The following KIFC3 variants were observed in gnomAD, a reference collection of about 807,000 sequenced individuals.
KIFC3 encodes the protein kinesin family member C3, also known as kinesin-like protein KIFC3.
KIFC3 carries 60 observed loss-of-function variants against 101.8 expected under a neutral mutation model. The observed-to-expected ratio is 0.59, with a 90% CI of 0.48 to 0.73. The LOEUF (loss-of-function observed/expected upper bound fraction) is 0.73. Among genes scored for constraint, KIFC3 ranks in the 30% least tolerant of loss-of-function variants. KIFC3 has a pLI of 0.00. For missense variants in KIFC3, 966 were observed against 1,137.1 expected, an observed-to-expected ratio of 0.85 and a Z score of 2.16; for synonymous variants, 476 against 482.7, an observed-to-expected ratio of 0.99 and a Z score of 0.18.
chr16:57,792,894 G>T (rs952593464), intron 3 of KIFC3, among the ~76,000 whole-genome samples: 4 of 146,130 alleles, frequency 2.7e-5, no homozygotes, highest in Non-Finnish European at 6.0e-5. Flanking sequence ...AAAAAAAAAG[G>T]GTAGTTCTCT....
At chr16:57,844,772 G>A (rs1037224282) in intron 1 of KIFC3, among the ~76,000 whole-genome samples, 2 of 152,142 alleles carry the variant, frequency 1.3e-5, no homozygotes, top group African/African-American at 2.4e-5. Context: ...AGTCTTCTAT[G>A]CTGGAGCCCA....
chr16:57,846,215 G>T (rs1211621882), intron 1 of KIFC3: 2 of 152,406 alleles, frequency 1.3e-5, no homozygotes, highest in African/African-American at 4.8e-5. Context: ...CTCTCCCTGG[G>T]TGGGGCTGGG....
chr16:57,821,160 C>T (rs1304180328), intron 1 of KIFC3, among the ~76,000 whole-genome samples: 2 of 150,118 alleles, frequency 1.3e-5, no homozygotes, highest in Admixed American at 1.3e-4. Flanking sequence ...ACTATGGAGT[C>T]ACAGATAAAT....
Position 57,802,463 on chromosome 16 carries a change from T to G in KIFC3, c.-133A>C, listed in dbSNP as rs1209913602. On this transcript the variant is annotated 5_prime_UTR_variant, in exon 1 of 20. Transcript: ENST00000445690. This position sits in a 1 kb window ranked among gnomAD's most constrained non-coding sequence, Gnocchi z 5.0. Reference sequence around the variant, plus strand: ...CAGGAGGCAGCTCCACGCCGCCGCCTCCTCCTCGGCCAGCCCGCTCGCGCC... The same window carrying G: ...CAGGAGGCAGCTCCACGCCGCCGCCGCCTCCTCGGCCAGCCCGCTCGCGCC... 20 of 982,348 alleles carry G rather than the reference T, an allele frequency of 2.0e-5. No individual in the cohort carries two copies. The Admixed American group carries it at 2.5e-4, about 12-fold the overall frequency. 60.9% of individuals were successfully genotyped at this position (982,348 alleles called of 1,614,324 possible). A position where few individuals can be genotyped will look rare whatever the true frequency, so the allele number is the denominator to read the frequency against.
chr16:57,856,534 A>T (rs1414796421), intron 1 of KIFC3, among the ~76,000 whole-genome samples: 2 of 151,908 alleles, frequency 1.3e-5, no homozygotes, highest in African/African-American at 4.8e-5. Flanking sequence ...AAAAGAAAGA[A>T]AAAGAAAGAA....
At chr16:57,845,575 T>C (rs771149976) in intron 1 of KIFC3, among the ~76,000 whole-genome samples, 1 of 152,242 alleles carries the variant, frequency 6.6e-6, no homozygotes, top group African/African-American at 2.4e-5. Context: ...ACCTCGGACA[T>C]TCTTTCCCCA....
chr16:57,791,642 C>T (rs1209622034), intron 3 of KIFC3, among the ~76,000 whole-genome samples: 1 of 152,122 alleles, frequency 6.6e-6, no homozygotes, highest in African/African-American at 2.4e-5. Context: ...CTGGTGCCAG[C>T]GTCCCAGAGA....
In KIFC3 at chr16:57,771,704, C is replaced by A. The variant is rs782486254; in HGVS notation, c.382-18G>T. 5.4e-5 allele frequency: 86 copies of A among 1,604,952 alleles called. No individual in the cohort carries two copies. Among genetic ancestry groups the A allele is most frequent in the Middle Eastern group, 5.0e-4 (3 of 6,060 alleles). On this transcript the variant is annotated intron_variant, in intron 4 of 19. Transcript: ENST00000445690. The stretch of plus-strand genomic sequence containing the variant: ...GTGCCCCCCTGCAGAGAGCCAGGGC[C>A]GAGGGGGCGCATGTGGCGAGGGCAG...
chr16:57,787,075 G>A (rs972402877), intron 3 of KIFC3, among the ~76,000 whole-genome samples: 9 of 152,228 alleles, frequency 5.9e-5, no homozygotes, highest in Non-Finnish European at 8.8e-5. Flanking sequence ...AAGCTCCTGC[G>A]ATCTGTTCTA....
intron 1 of KIFC3, among the ~76,000 whole-genome samples, chr16:57,824,978 ACCTG>A (rs1324093756): frequency 3.9e-5 from 6 of 152,082 alleles, no homozygotes; most frequent in Non-Finnish European, 8.8e-5. Context: ...CAAATAGTTA[ACCTG>A]CCTCCCAAGC....
chr16:57,782,243 A>G, intron 3 of KIFC3: 1 of 699,842 alleles, frequency 1.4e-6, no homozygotes, highest in African/African-American at 1.9e-5. Context: ...GCCCCAGTTT[A>G]GAGACTGGGA....
chr16:57,794,556 T>C (rs1355666402), intron 3 of KIFC3, among the ~76,000 whole-genome samples: 1 of 152,150 alleles, frequency 6.6e-6, no homozygotes, highest in Non-Finnish European at 1.5e-5. Flanking sequence ...CACTTGGTGA[T>C]AACTGCAAGG....
chr16:57,793,705 T>C (rs2054072556), intron 3 of KIFC3, among the ~76,000 whole-genome samples: 1 of 151,602 alleles, frequency 6.6e-6, no homozygotes, highest in Non-Finnish European at 1.5e-5. Flanking sequence ...GATGCACACC[T>C]GTAATCCCAG....
chr16:57,835,511 A>T (rs981103984), intron 1 of KIFC3, among the ~76,000 whole-genome samples: 3 of 152,162 alleles, frequency 2.0e-5, no homozygotes, highest in Middle Eastern at 3.2e-3. Context: ...ACATATTAGC[A>T]TTTTCTATGG....
intron 1 of KIFC3, among the ~76,000 whole-genome samples, chr16:57,840,634 G>A (rs1567334681): frequency 1.3e-5 from 2 of 150,878 alleles, no homozygotes; most frequent in Non-Finnish European, 3.0e-5. Flanking sequence ...GTGGCGCATG[G>A]CTGTAATCCC....
At chr16:57,813,044 C>T (rs1010611068) in intron 1 of KIFC3, among the ~76,000 whole-genome samples, 4 of 152,254 alleles carry the variant, frequency 2.6e-5, no homozygotes, top group African/African-American at 9.6e-5. Flanking sequence ...AAAGGAGAAC[C>T]TGGCCAGGCA....
chr16:57,857,276 TTCC>T (rs2056189615), intron 1 of KIFC3, among the ~76,000 whole-genome samples: 1 of 152,150 alleles, frequency 6.6e-6, no homozygotes, highest in Non-Finnish European at 1.5e-5. Flanking sequence ...TGGCTTCTTC[TTCC>T]TTAGCACAGC....
At chr16:57,842,632 C>T (rs1014962122) in intron 1 of KIFC3, among the ~76,000 whole-genome samples, 1 of 152,166 alleles carries the variant, frequency 6.6e-6, no homozygotes, top group South Asian at 2.1e-4. Context: ...AAGCCTCTGT[C>T]GTTTGCTTTC....
At chr16:57,837,774 A>C (rs1158463826) in intron 1 of KIFC3, among the ~76,000 whole-genome samples, 1 of 152,128 alleles carries the variant, frequency 6.6e-6, no homozygotes, top group Non-Finnish European at 1.5e-5. Context: ...GGCCTTGGGA[A>C]TCGGGACTTT....
Sources: gnomAD v4.1 joint callset for allele counts (sites outside exome capture counted in the v4.1 genomes callset) on GRCh38, gnomAD v4.1.1 for gene constraint, Gnocchi (gnomAD v3.1) non-coding constraint, MANE v1.5 for transcripts, NCBI Gene and HGNC (gene_info 2026-07-23, HGNC 2026-07-21) for gene names.